Variants in ZBTB20 observed in about 807,000 individuals in gnomAD.
ZBTB20 encodes the protein zinc finger and BTB domain-containing protein 20.
A neutral mutation model predicts 56.9 loss-of-function variants in ZBTB20; 9 were observed. The observed-to-expected ratio is 0.16, with a 90% CI of 0.10 to 0.28. The LOEUF (loss-of-function observed/expected upper bound fraction) is 0.28. ZBTB20 is among the 10% of genes least tolerant of loss of function. The pLI is 1.00. For synonymous variants in ZBTB20, 417 were observed against 420.7 expected (o/e 0.99, Z 0.11); for missense variants, 655 against 1,003.0 (o/e 0.65, Z 4.69).
intron 2 of ZBTB20, among the ~76,000 whole-genome samples, chr3:115,069,386 T>C (rs549885472): frequency 2.6e-5 from 4 of 152,116 alleles, no homozygotes; most frequent in Admixed American, 2.6e-4. Context: ...GTTGGCTAGA[T>C]CTAGGTTCAG....
intron 2 of ZBTB20, among the ~76,000 whole-genome samples, chr3:115,052,381 AG>A (rs2081585988): frequency 6.6e-6 from 1 of 151,926 alleles, no homozygotes; most frequent in East Asian, 1.9e-4. Flanking sequence ...CGCTAGAACC[AG>A]GTAGTTGGAG....
chr3:114,896,304 T>G (rs1576260043), intron 4 of ZBTB20, among the ~76,000 whole-genome samples: 1 of 152,102 alleles, frequency 6.6e-6, no homozygotes, highest in East Asian at 1.9e-4. Flanking sequence ...ACACCTATAT[T>G]CATAGCCAAA....
At chr3:114,672,257 C>T (rs997167683) in intron 6 of ZBTB20, among the ~76,000 whole-genome samples, 1 of 151,972 alleles carries the variant, frequency 6.6e-6, no homozygotes, top group Admixed American at 6.6e-5. Context: ...ACGTAAAACC[C>T]ATCCCATCCC....
chr3:114,838,760 C>A (rs903267205), intron 4 of ZBTB20, among the ~76,000 whole-genome samples: 1 of 151,676 alleles, frequency 6.6e-6, no homozygotes, highest in African/African-American at 2.4e-5. Flanking sequence ...TAATGCCTGC[C>A]TTGGAAGGTA....
At chr3:114,352,746 A>G (rs1274751958) in intron 10 of ZBTB20, among the ~76,000 whole-genome samples, 1 of 152,232 alleles carries the variant, frequency 6.6e-6, no homozygotes, top group Non-Finnish European at 1.5e-5. Context: ...ACTACAGTAC[A>G]TTGGTGATCA....
At chr3:114,983,186 A>G (rs1260675068) in intron 2 of ZBTB20, among the ~76,000 whole-genome samples, 1 of 152,004 alleles carries the variant, frequency 6.6e-6, no homozygotes, top group East Asian at 1.9e-4. Context: ...GCAAACAATT[A>G]TTGGGTTTAC....
intron 10 of ZBTB20, among the ~76,000 whole-genome samples, chr3:114,354,078 G>A (rs529703412): frequency 7.9e-5 from 12 of 152,272 alleles, no homozygotes; most frequent in East Asian, 3.9e-4. Flanking sequence ...ATACCTATCC[G>A]TGATTTAGTG....
At chr3:114,587,403 C>G (rs1241376423) in intron 6 of ZBTB20, among the ~76,000 whole-genome samples, 1 of 152,028 alleles carries the variant, frequency 6.6e-6, no homozygotes, top group Non-Finnish European at 1.5e-5. Context: ...GGTGGAATGT[C>G]AAGGACTAGA....
At chr3:114,442,130 C>T (rs1172510875) in intron 7 of ZBTB20, among the ~76,000 whole-genome samples, 2 of 152,090 alleles carry the variant, frequency 1.3e-5, no homozygotes, top group African/African-American at 4.8e-5. Context: ...TCAGTTTCCC[C>T]CTTTTAGATA....
intron 6 of ZBTB20, among the ~76,000 whole-genome samples, chr3:114,671,065 A>T (rs1198651918): frequency 6.6e-6 from 1 of 152,142 alleles, no homozygotes; most frequent in East Asian, 1.9e-4. Flanking sequence ...GCCTGAATAA[A>T]TGGAGAGGAA....
chr3:114,864,921 C>T (rs1054456625), intron 4 of ZBTB20, among the ~76,000 whole-genome samples: 1 of 152,042 alleles, frequency 6.6e-6, no homozygotes, highest in Non-Finnish European at 1.5e-5. Flanking sequence ...TTTACGGCTG[C>T]CCTTAATATT....
intron 6 of ZBTB20, among the ~76,000 whole-genome samples, chr3:114,559,473 G>C (rs1212213312): frequency 6.6e-6 from 1 of 152,120 alleles, no homozygotes; most frequent in Non-Finnish European, 1.5e-5. Context: ...TTGTGAACCA[G>C]GTATAATTAA....
At chr3:114,632,164 G>T (rs2107839011) in intron 6 of ZBTB20, among the ~76,000 whole-genome samples, 1 of 152,330 alleles carries the variant, frequency 6.6e-6, no homozygotes, top group South Asian at 2.1e-4. Context: ...TTACCTCACA[G>T]TTGTGTTTTC....
At chr3:114,585,461 T>C (rs2055084656) in intron 6 of ZBTB20, among the ~76,000 whole-genome samples, 1 of 152,190 alleles carries the variant, frequency 6.6e-6, no homozygotes, top group African/African-American at 2.4e-5. Flanking sequence ...CTATAAAGCA[T>C]ACACAGCCGT....
intron 2 of ZBTB20, among the ~76,000 whole-genome samples, chr3:115,024,631 A>G (rs2080345251): frequency 6.6e-6 from 1 of 151,110 alleles, no homozygotes; most frequent in Admixed American, 6.6e-5. Flanking sequence ...CTTGCATTTT[A>G]ACAAGTCAGT....
chr3:115,126,551 C>T (rs2084338776), intron 1 of ZBTB20, among the ~76,000 whole-genome samples: 1 of 151,818 alleles, frequency 6.6e-6, no homozygotes, highest in Non-Finnish European at 1.5e-5. Context: ...CAATTACACA[C>T]AACATGGGTG....
intron 6 of ZBTB20, among the ~76,000 whole-genome samples, chr3:114,516,386 G>A (rs771848565): frequency 4.6e-5 from 7 of 151,988 alleles, no homozygotes; most frequent in Non-Finnish European, 1.0e-4. Flanking sequence ...ATATGTCTTG[G>A]TATAACACAG....
chr3:115,095,789 T>C (rs1365881930), intron 1 of ZBTB20, among the ~76,000 whole-genome samples: 1 of 152,202 alleles, frequency 6.6e-6, no homozygotes, highest in Non-Finnish European at 1.5e-5. Context: ...TGATGATTAA[T>C]GTATAATATC....
At chr3:115,035,138 A>T (rs1474132545) in intron 2 of ZBTB20, among the ~76,000 whole-genome samples, 1 of 152,122 alleles carries the variant, frequency 6.6e-6, no homozygotes, top group Non-Finnish European at 1.5e-5. Flanking sequence ...CATGAGGCAA[A>T]AGCTTCATCA....
Sources: gnomAD v4.1 joint callset for allele counts (sites outside exome capture counted in the v4.1 genomes callset) on GRCh38, gnomAD v4.1.1 for gene constraint, MANE v1.5 for transcripts, NCBI Gene and HGNC (gene_info 2026-07-23, HGNC 2026-07-21) for gene names.